RPIA: variants seen among roughly 807,000 people sequenced by gnomAD.
RPIA encodes ribose-5-phosphate isomerase.
A neutral mutation model predicts 37.8 loss-of-function variants in RPIA; 29 were observed. The ratio of observed to expected loss-of-function variants is 0.77; its 90% CI spans 0.57 to 1.05. The LOEUF (loss-of-function observed/expected upper bound fraction) is 1.05, where lower values mean the gene tolerates loss of function less well. Among genes scored for constraint, RPIA ranks in the 50% least tolerant of loss-of-function variants. The pLI is 0.00. For missense variants in RPIA, 385 were observed against 413.6 expected, an observed-to-expected ratio of 0.93 and a Z score of 0.60; for synonymous variants, 167 against 157.0, an observed-to-expected ratio of 1.06 and a Z score of -0.48.
rs112665683 is a variant in RPIA at position 88,707,305 on chromosome 2, C to CTT, written c.402+7250_402+7251dup. On this transcript the variant is annotated intron_variant, in intron 3 of 8. Transcript: ENST00000283646. Reference sequence around the variant, plus strand: ...AAATATTGACTTTTCTTGTGATTTTCTTTTTTTTTTGTCGTTGTTAAATAC... The same window carrying CTT: ...AAATATTGACTTTTCTTGTGATTTTCTTTTTTTTTTTTGTCGTTGTTAAATAC... Among the ~76,000 whole-genome samples, 503 of 148,600 alleles carry CTT rather than the reference C, an allele frequency of 3.4e-3. 2 individuals carry two copies. Among genetic ancestry groups the CTT allele is most frequent in the African/African-American group, 0.012 (479 of 40,732 alleles).
chr2:88,715,151 CT>C (rs1673017944), intron 3 of RPIA, among the ~76,000 whole-genome samples: 1 of 152,168 alleles, frequency 6.6e-6, no homozygotes, highest in Non-Finnish European at 1.5e-5. Flanking sequence ...AAGAGGAATC[CT>C]CAAATCCGTC....
At chr2:88,746,712 G>A (rs997642064) in intron 8 of RPIA, among the ~76,000 whole-genome samples, 1 of 152,190 alleles carries the variant, frequency 6.6e-6, no homozygotes, top group African/African-American at 2.4e-5. Context: ...TTTTTGTTTA[G>A]TGCACTGGTT....
At chr2:88,699,801 T>TA (rs1672805843) in intron 2 of RPIA, among the ~76,000 whole-genome samples, 1 of 152,220 alleles carries the variant, frequency 6.6e-6, no homozygotes, top group Non-Finnish European at 1.5e-5. Flanking sequence ...GGTCAGTACT[T>TA]ACCTCTCCAG....
intron 8 of RPIA, among the ~76,000 whole-genome samples, chr2:88,743,668 C>CT (rs1673408331): frequency 6.6e-6 from 1 of 151,958 alleles, no homozygotes; most frequent in Non-Finnish European, 1.5e-5. Context: ...TGGTTCTGGA[C>CT]TTTTTTTGTT....
intron 3 of RPIA, among the ~76,000 whole-genome samples, chr2:88,713,636 G>T (rs993623432): frequency 5.3e-5 from 8 of 152,118 alleles, no homozygotes; most frequent in Admixed American, 2.6e-4. Flanking sequence ...CTCATCATGC[G>T]TATTCACACT....
intron 3 of RPIA, among the ~76,000 whole-genome samples, chr2:88,716,204 A>G (rs537966331): frequency 6.6e-6 from 1 of 152,162 alleles, no homozygotes; most frequent in Non-Finnish European, 1.5e-5. Context: ...AAAAGAATGC[A>G]GTCTTTTGTC....
chr2:88,714,518 G>C (rs1673009040), intron 3 of RPIA, among the ~76,000 whole-genome samples: 1 of 152,190 alleles, frequency 6.6e-6, no homozygotes, highest in Non-Finnish European at 1.5e-5. Context: ...TGGTCAGCCA[G>C]CTCTCAAGAT....
intron 8 of RPIA, among the ~76,000 whole-genome samples, chr2:88,743,029 C>T (rs747986515): frequency 1.3e-5 from 2 of 151,470 alleles, no homozygotes. Context: ...ATTTGGATGC[C>T]CTTTGTCTTG....
At chr2:88,717,754 A>G (rs1009266114) in intron 3 of RPIA, among the ~76,000 whole-genome samples, 1 of 152,158 alleles carries the variant, frequency 6.6e-6, no homozygotes, top group Admixed American at 6.5e-5. Flanking sequence ...CTGATCTCTC[A>G]TGGCTAGGAT....
At chr2:88,745,722 T>C (rs1381506369) in intron 8 of RPIA, among the ~76,000 whole-genome samples, 1 of 152,230 alleles carries the variant, frequency 6.6e-6, no homozygotes, top group East Asian at 1.9e-4. Context: ...CTTTCCTTTG[T>C]CTTACTTTAG....
Position 88,707,662 on chromosome 2 carries a change from T to C in RPIA, c.402+7598T>C, listed in dbSNP as rs551073431. Among the ~76,000 whole-genome samples, 40 of 152,312 alleles carry C rather than the reference T, an allele frequency of 2.6e-4. 1 individual carries two copies. In the South Asian group the frequency reaches 8.3e-3, roughly 32 times the overall value. Reference sequence around the variant, plus strand: ...ATTTGATTTCCAGTTTCATTAGAATTGTGTAGACCAGTCACAAAAACAAGG... The same window carrying C: ...ATTTGATTTCCAGTTTCATTAGAATCGTGTAGACCAGTCACAAAAACAAGG... On this transcript the variant is annotated intron_variant, in intron 3 of 8. Coordinates refer to ENST00000283646, the MANE Select transcript of RPIA (RefSeq NM_144563.3).
intron 3 of RPIA, among the ~76,000 whole-genome samples, chr2:88,708,525 A>C (rs1280848061): frequency 2.6e-5 from 4 of 152,204 alleles, no homozygotes; most frequent in Admixed American, 6.5e-5. Flanking sequence ...ATCTTTTATT[A>C]ATTTATTTTG....
chr2:88,700,656 GA>G (rs141692733), intron 3 of RPIA, among the ~76,000 whole-genome samples: 4 of 149,324 alleles, frequency 2.7e-5, no homozygotes, highest in African/African-American at 4.9e-5. Context: ...CCTGTCTCAA[GA>G]AAAAAAAAAT....
intron 3 of RPIA, among the ~76,000 whole-genome samples, chr2:88,725,314 C>A (rs756558637): frequency 4.0e-4 from 61 of 151,484 alleles, no homozygotes; most frequent in Non-Finnish European, 7.9e-4. Flanking sequence ...CCAAGGCTGC[C>A]ATAACAAGGT....
chr2:88,716,890 A>C (rs1437582088), intron 3 of RPIA, among the ~76,000 whole-genome samples: 1 of 152,268 alleles, frequency 6.6e-6, no homozygotes, highest in African/African-American at 2.4e-5. Context: ...TTCAGAATGC[A>C]GATCCAAAGA....
At chr2:88,738,550 G>C in intron 8 of RPIA, among the ~76,000 whole-genome samples, 1 of 152,198 alleles carries the variant, frequency 6.6e-6, no homozygotes, top group South Asian at 2.1e-4. Context: ...CTTGTAATCT[G>C]TCCTCAAGGA....
chr2:88,746,368 G>A (rs1054349793), intron 8 of RPIA, among the ~76,000 whole-genome samples: 6 of 152,334 alleles, frequency 3.9e-5, no homozygotes, highest in East Asian at 1.9e-4. Context: ...TTGTTTTCTA[G>A]TTCCTTCTCA....
At chr2:88,698,045 A>G (rs1479380865) in intron 1 of RPIA, among the ~76,000 whole-genome samples, 1 of 150,148 alleles carries the variant, frequency 6.7e-6, no homozygotes, top group Non-Finnish European at 1.5e-5. Flanking sequence ...ATTGGCCAGG[A>G]ATCTTTTTCT....
In RPIA at chr2:88,691,746, C is replaced by T. The variant is rs1243604233; in HGVS notation, c.48C>T (p.Ala16=). ...PFSTLYGRVL[A]PLPGRAGGAA... ...GCACCCTCTACGGGCGGGTCTTGGCCCCGCTGCCCGGGAGGGCCGGGGGCG... is the reference window on the plus strand; with the variant it reads ...GCACCCTCTACGGGCGGGTCTTGGCTCCGCTGCCCGGGAGGGCCGGGGGCG... Residue 16 remains alanine (A), a synonymous_variant, in exon 1 of 9, where the codon GCC becomes GCT. Transcript: ENST00000283646. 1.3e-6 allele frequency: 2 copies of T among 1,595,380 alleles called. No individual in the cohort carries two copies. The highest frequency in any genetic ancestry group is 1.1e-5 in the South Asian group (1 of 90,230).
Sources: allele counts gnomAD v4.1 joint callset (sites outside exome capture counted in the v4.1 genomes callset), GRCh38; gene constraint gnomAD v4.1.1; transcripts MANE v1.5; gene names NCBI Gene and HGNC (gene_info 2026-07-23, HGNC 2026-07-21).